Variants in GSAP observed in about 807,000 individuals in gnomAD.
GSAP encodes gamma-secretase activating protein.
In GSAP, 118 loss-of-function variants were observed where a neutral mutation model predicts 131.7. That is an observed-to-expected ratio of 0.90 (90% CI 0.77 to 1.04). The LOEUF (loss-of-function observed/expected upper bound fraction) is 1.04, where lower values mean the gene tolerates loss of function less well. GSAP is among the 50% of genes least tolerant of loss of function. GSAP has a pLI of 0.00. For synonymous variants in GSAP, 381 were observed against 363.4 expected (o/e 1.05, Z -0.55); for missense variants, 1,019 against 1,013.2 (o/e 1.01, Z -0.08).
intron 16 of GSAP, among the ~76,000 whole-genome samples, chr7:77,354,257 A>G (rs1793333612): frequency 6.6e-6 from 1 of 152,110 alleles, no homozygotes; most frequent in Non-Finnish European, 1.5e-5. Flanking sequence ...TTAATTCAAA[A>G]CCGATTTATG....
chr7:77,325,027 G>A (rs190126753), intron 23 of GSAP, among the ~76,000 whole-genome samples: 115 of 152,064 alleles, frequency 7.6e-4, no homozygotes, highest in African/African-American at 2.6e-3. Flanking sequence ...TGTTGACTAG[G>A]CTGGTCTCGA....
At chr7:77,379,231 T>G (rs559487905) in intron 8 of GSAP, among the ~76,000 whole-genome samples, 1 of 152,084 alleles carries the variant, frequency 6.6e-6, no homozygotes, top group Non-Finnish European at 1.5e-5. Context: ...CAAATCTCAG[T>G]TTTGTTCCTC....
chr7:77,342,372 TCCC>T (rs758254738), intron 19 of GSAP, among the ~76,000 whole-genome samples: 5 of 152,222 alleles, frequency 3.3e-5, no homozygotes, highest in Middle Eastern at 3.4e-3. Flanking sequence ...CCCTTAAAAC[TCCC>T]CCAACTCTGG....
Position 77,404,628 on chromosome 7 carries a change from A to C in GSAP, c.187-13T>G. 1 of 1,426,828 alleles carries C rather than the reference A, an allele frequency of 7.0e-7. No homozygotes were observed. The highest frequency in any genetic ancestry group is 1.4e-5 in the African/African-American group (1 of 70,754). The allele number at this position is 1,426,828 out of a possible 1,614,324, so 88.4% of individuals were successfully genotyped here. A position where few individuals can be genotyped will look rare whatever the true frequency, so the allele number is the denominator to read the frequency against. On this transcript the variant is annotated splice_polypyrimidine_tract_variant and intron_variant, in intron 2 of 30. Transcript: ENST00000257626. ...TTCCCTTATCATCCTAAAAAAAATT[A>C]ACCAGATGTTTATTAAATGTCATTG...
chr7:77,377,400 C>CAAAAAAAAAAAAAAAAAAAAAAAAAAAA lies in GSAP; in HGVS notation c.577-11_577-10insTTTTTTTTTTTTTTTTTTTTTTTTTTTT. The CAAAAAAAAAAAAAAAAAAAAAAAAAAAA allele has an allele frequency of 8.5e-7, 1 of 1,182,870 alleles. No homozygotes were observed. The highest frequency in any genetic ancestry group is 3.7e-5 in the East Asian group (1 of 27,078). The allele number at this position is 1,182,870 out of a possible 1,614,324, so 73.3% of individuals were successfully genotyped here. A position where few individuals can be genotyped will look rare whatever the true frequency, so the allele number is the denominator to read the frequency against. The stretch of plus-strand genomic sequence containing the variant: ...CAGAATTTTTAATCACCTAAAAATG[C>CAAAAAAAAAAAAAAAAAAAAAAAAAAAA]AAAAAAAAAAAAAAAAAAAAAAGTA... On this transcript the variant is annotated splice_polypyrimidine_tract_variant and intron_variant, in intron 8 of 30. Coordinates refer to ENST00000257626, the MANE Select transcript of GSAP (RefSeq NM_017439.4).
intron 1 of GSAP, among the ~76,000 whole-genome samples, chr7:77,413,759 AAGAAAT>A (rs1803747894): frequency 6.6e-6 from 1 of 152,212 alleles, no homozygotes; most frequent in Non-Finnish European, 1.5e-5. Flanking sequence ...GGATGAGAGA[AAGAAAT>A]AGAATCAGAA....
At chr7:77,408,422 G>A (rs1297601516) in intron 1 of GSAP, among the ~76,000 whole-genome samples, 1 of 152,044 alleles carries the variant, frequency 6.6e-6, no homozygotes, top group African/African-American at 2.4e-5. Context: ...AATTATGGCC[G>A]GCACAGTGGC....
chr7:77,385,707 T>A (rs1798465035), intron 6 of GSAP, among the ~76,000 whole-genome samples: 2 of 152,120 alleles, frequency 1.3e-5, no homozygotes, highest in African/African-American at 4.8e-5. Flanking sequence ...CACAGTGCTG[T>A]CAGGAGTGGC....
chr7:77,405,250 T>C (rs1463220693), intron 2 of GSAP, among the ~76,000 whole-genome samples: 1 of 152,248 alleles, frequency 6.6e-6, no homozygotes, highest in Admixed American at 6.5e-5. Context: ...CAGTCAGCTA[T>C]GATTGTGCCA....
At chr7:77,356,581 C>G (rs1015474997) in intron 14 of GSAP, among the ~76,000 whole-genome samples, 2 of 152,164 alleles carry the variant, frequency 1.3e-5, no homozygotes, top group Admixed American at 1.3e-4. Context: ...CCTTGCATAT[C>G]AAGCTGACTA....
intron 3 of GSAP, among the ~76,000 whole-genome samples, chr7:77,401,919 G>A (rs1801383742): frequency 6.6e-6 from 1 of 151,864 alleles, no homozygotes. Flanking sequence ...CTCGATTGCA[G>A]TGGTAATTAC....
Position 77,335,087 on chromosome 7 carries a change from A to T in GSAP, c.1546-4720T>A, listed in dbSNP as rs577761570. ...GACAGAGCAAGACTCCGTCTCAATT[A>T]AAAAAAAAAAGAAAAAAAGAAACAT... On this transcript the variant is annotated intron_variant, in intron 19 of 30. Transcript: ENST00000257626. Among the ~76,000 whole-genome samples the T allele has an allele frequency of 7.8e-3, 819 of 105,368 alleles. 5 individuals are homozygous for T. Among genetic ancestry groups the T allele is most frequent in the Non-Finnish European group, 8.7e-3 (468 of 53,540 alleles). 69.1% of individuals were successfully genotyped at this position (105,368 alleles called of 152,430 possible). A position where few individuals can be genotyped will look rare whatever the true frequency, so the allele number is the denominator to read the frequency against.
intron 11 of GSAP, 42 bp downstream of exon 11, chr7:77,375,015 AC>A: frequency 1.1e-6 from 1 of 918,170 alleles, no homozygotes; most frequent in Admixed American, 2.1e-5. Context: ...CATTTTGCCC[AC>A]AAGTATCTAT....
At chr7:77,347,004 T>C (rs10228225) in intron 19 of GSAP, among the ~76,000 whole-genome samples, 20,833 of 138,816 alleles carry the variant, frequency 0.15, 2,250 homozygotes, top group East Asian at 0.44. Context: ...AAGAGGGTCC[T>C]GCCTCATACC....
chr7:77,330,401 G>T (rs764339160), intron 19 of GSAP, 34 bp from the exon 20 acceptor site: 1 of 1,607,276 alleles, frequency 6.2e-7, no homozygotes, highest in South Asian at 1.1e-5. Flanking sequence ...GGCCTTCAGA[G>T]GCAGGCCCAG....
At chr7:77,380,305 A>C (rs1280600443) in intron 8 of GSAP, among the ~76,000 whole-genome samples, 1 of 152,170 alleles carries the variant, frequency 6.6e-6, no homozygotes, top group African/African-American at 2.4e-5. Flanking sequence ...TGCTTCTAAA[A>C]CTGTCAATTG....
intron 26 of GSAP, chr7:77,315,980 CT>C (rs1055993572): frequency 1.3e-5 from 2 of 152,156 alleles, no homozygotes. Flanking sequence ...GTGACCAGTT[CT>C]GTGCTTATGA....
intron 8 of GSAP, chr7:77,380,094 A>T (rs954923712): frequency 1.8e-5 from 4 of 221,076 alleles, no homozygotes; most frequent in Admixed American, 6.5e-5. Flanking sequence ...AAAAACAGAT[A>T]AGGATGCAAC....
intron 12 of GSAP, among the ~76,000 whole-genome samples, chr7:77,372,565 A>C (rs1292811104): frequency 6.6e-6 from 1 of 152,238 alleles, no homozygotes; most frequent in African/African-American, 2.4e-5. Flanking sequence ...TGATGTCTGC[A>C]ACCTATTTTT....
Sources: gnomAD v4.1 joint callset for allele counts (sites outside exome capture counted in the v4.1 genomes callset) on GRCh38, gnomAD v4.1.1 for gene constraint, MANE v1.5 for transcripts, NCBI Gene and HGNC (gene_info 2026-07-23, HGNC 2026-07-21) for gene names.